The following PLB1 variants were observed in gnomAD, a reference collection of about 807,000 sequenced individuals.
PLB1 encodes phospholipase B1.
A neutral mutation model predicts 227.4 loss-of-function variants in PLB1; 242 were observed. The observed-to-expected ratio is 1.06, with a 90% confidence interval of 0.96 to 1.18. PLB1 has a LOEUF of 1.18. Ranked by LOEUF, PLB1 falls within the 50% of genes most tolerant of loss-of-function variation. The pLI is 0.00. For synonymous variants in PLB1, 757 were observed against 682.2 expected, an observed-to-expected ratio of 1.11 and a Z score of -1.71; for missense variants, 1,858 against 1,816.3, an observed-to-expected ratio of 1.02 and a Z score of -0.42.
At chr2:28,508,081 A>G (rs976027801) in intron 1 of PLB1, among the ~76,000 whole-genome samples, 1 of 152,234 alleles carries the variant, frequency 6.6e-6, no homozygotes, top group African/African-American at 2.4e-5. Flanking sequence ...TCTTCTGGAA[A>G]TTCGGGATAG....
At chr2:28,626,872 C>T (rs1687870758) in intron 51 of PLB1, among the ~76,000 whole-genome samples, 1 of 152,142 alleles carries the variant, frequency 6.6e-6, no homozygotes, top group African/African-American at 2.4e-5. Flanking sequence ...TGAGGAAGGG[C>T]AAAACAATGT....
At chr2:28,502,693 T>G (rs1433558450) in intron 1 of PLB1, among the ~76,000 whole-genome samples, 1 of 152,180 alleles carries the variant, frequency 6.6e-6, no homozygotes, top group Non-Finnish European at 1.5e-5. Flanking sequence ...AAGTTTCTTT[T>G]TTCTCTCTGC....
At chr2:28,512,026 G>A (rs1028585475) in intron 1 of PLB1, among the ~76,000 whole-genome samples, 1 of 150,162 alleles carries the variant, frequency 6.7e-6, no homozygotes, top group Admixed American at 6.7e-5. Flanking sequence ...CCTTACCTCA[G>A]GTGATCCACC....
At chr2:28,557,607 T>C (rs1382630674) in intron 17 of PLB1, among the ~76,000 whole-genome samples, 1 of 152,228 alleles carries the variant, frequency 6.6e-6, no homozygotes, top group Non-Finnish European at 1.5e-5. Context: ...ATTTCCTTGC[T>C]ATTTGTGATG....
intron 49 of PLB1, among the ~76,000 whole-genome samples, chr2:28,621,877 T>G (rs1558938364): frequency 6.6e-6 from 1 of 151,982 alleles, no homozygotes; most frequent in Admixed American, 6.5e-5. Context: ...TCATCATCAT[T>G]TTGTTGTTCT....
chr2:28,540,294 C>A, intron 11 of PLB1, 72 bp from the exon 12 acceptor site: 1 of 1,262,130 alleles, frequency 7.9e-7, no homozygotes, highest in Non-Finnish European at 1.2e-6. Flanking sequence ...CCATAAGAGG[C>A]GGGCTGGATG....
chr2:28,626,590 C>T, intron 51 of PLB1, 82 bp downstream of exon 51: 1 of 1,243,832 alleles, frequency 8.0e-7, no homozygotes, highest in Non-Finnish European at 1.2e-6. Context: ...CATCCCTGGC[C>T]CTGCCCCGAG....
intron 20 of PLB1, 80 bp downstream of exon 20, chr2:28,566,919 G>T (rs1373529100): frequency 2.0e-6 from 3 of 1,534,466 alleles, no homozygotes; most frequent in Admixed American, 3.4e-5. Context: ...GGTGGCGCGG[G>T]CCTCGGGAGG....
intron 25 of PLB1, among the ~76,000 whole-genome samples, chr2:28,584,614 A>G (rs975862845): frequency 6.6e-6 from 1 of 152,194 alleles, no homozygotes; most frequent in Non-Finnish European, 1.5e-5. Flanking sequence ...TGGCCAAGTC[A>G]CTGAATGTCA....
At position 28,579,685 on chromosome 2, in the gene PLB1, TC is replaced by T; in HGVS notation, c.1545del (p.Cys516ValfsTer35). 1.9e-6 allele frequency: 3 copies of T among 1,613,104 alleles called. No homozygotes were observed. The highest frequency in any genetic ancestry group is 2.5e-6 in the Non-Finnish European group (3 of 1,179,158). ...ACCCTGTTTATAGGCGGCAATGACC[TC>T]TGTGATTTCTGCAATGATCTGGTAG... ...IITLFIGGND[L>X]CDFCNDLVHY... On this transcript the variant is annotated frameshift_variant, in exon 23 of 58. Coordinates refer to ENST00000327757, the MANE Select transcript of PLB1 (RefSeq NM_153021.5). LOFTEE classifies it high-confidence loss of function.
At chr2:28,532,471 C>T (rs71443025) in intron 9 of PLB1, among the ~76,000 whole-genome samples, 5,887 of 152,216 alleles carry the variant, frequency 0.039, 148 homozygotes, top group South Asian at 0.084. Context: ...TAAAGTTGAC[C>T]ATCTTAATCA....
chr2:28,499,203 G>A (rs1259181047), intron 1 of PLB1, among the ~76,000 whole-genome samples: 2 of 151,834 alleles, frequency 1.3e-5, no homozygotes, highest in Non-Finnish European at 2.9e-5. Flanking sequence ...TATTCTTTTG[G>A]GTTTTCTATT....
At chr2:28,535,318 T>C (rs1018620889) in intron 9 of PLB1, among the ~76,000 whole-genome samples, 6 of 152,260 alleles carry the variant, frequency 3.9e-5, no homozygotes, top group African/African-American at 1.4e-4. Context: ...TCTTGATTTT[T>C]CCTATTGCAC....
chr2:28,620,984 T>C lies in PLB1; in HGVS notation c.3527+6T>C. The C allele has an allele frequency of 6.2e-7, 1 of 1,604,554 alleles. No individual in the cohort carries two copies. The highest frequency in any genetic ancestry group is 8.5e-7 in the Non-Finnish European group (1 of 1,173,920). On this transcript the variant is annotated splice_donor_region_variant and intron_variant, in intron 49 of 57. Transcript: ENST00000327757. The stretch of plus-strand genomic sequence containing the variant: ...GCGGAAGGGGCCAGAGCTAGGTGAG[T>C]AGATGCCGTACAGGAGGGCGAGTGG...
At chr2:28,601,179 A>G (rs971776622) in intron 36 of PLB1, 73 bp from the exon 37 acceptor site, 117 of 1,285,656 alleles carry the variant, frequency 9.1e-5, no homozygotes, top group Non-Finnish European at 1.3e-4. Context: ...AGAGGGTTGA[A>G]TGGATTTCCT....
At chr2:28,572,067 T>G (rs965555313) in intron 20 of PLB1, among the ~76,000 whole-genome samples, 2 of 152,110 alleles carry the variant, frequency 1.3e-5, no homozygotes, top group African/African-American at 4.8e-5. Context: ...CTCTTAGAAC[T>G]CAAAAAGATA....
At chr2:28,637,268 G>C (rs1216626569) in intron 56 of PLB1, among the ~76,000 whole-genome samples, 1 of 150,318 alleles carries the variant, frequency 6.7e-6, no homozygotes, top group African/African-American at 2.5e-5. Flanking sequence ...ACTCCAGCCT[G>C]GGTGACAAGA....
chr2:28,591,495 G>A (rs947174029), intron 30 of PLB1, among the ~76,000 whole-genome samples: 7 of 152,208 alleles, frequency 4.6e-5, no homozygotes, highest in African/African-American at 7.2e-5. Context: ...GACGGTGGAG[G>A]GGTCTGAACT....
intron 43 of PLB1, among the ~76,000 whole-genome samples, chr2:28,608,755 C>T (rs1685037500): frequency 1.3e-5 from 2 of 152,116 alleles, no homozygotes; most frequent in South Asian, 4.1e-4. Context: ...GTCACCACCT[C>T]CCCCTTGAAA....
Sources: allele counts gnomAD v4.1 joint callset (sites outside exome capture counted in the v4.1 genomes callset), GRCh38; gene constraint gnomAD v4.1.1; transcripts MANE v1.5; gene names NCBI Gene and HGNC (gene_info 2026-07-23, HGNC 2026-07-21).